TCF4: variants seen among roughly 807,000 people sequenced by gnomAD.
The protein encoded by TCF4 is transcription factor 4.
A neutral mutation model predicts 82.1 loss-of-function variants in TCF4; 3 were observed. That is an observed-to-expected ratio of 0.04 (90% CI 0.02 to 0.09). The LOEUF is 0.09. TCF4 is among the 10% of genes least tolerant of loss of function. TCF4 has a pLI of 1.00. For synonymous variants in TCF4, 276 were observed against 309.6 expected (o/e 0.89, Z 1.14); for missense variants, 518 against 852.7 (o/e 0.61, Z 4.89).
chr18:55,335,326 T>C (rs1436442236), intron 8 of TCF4, among the ~76,000 whole-genome samples: 6 of 152,360 alleles, frequency 3.9e-5, no homozygotes, highest in East Asian at 1.9e-4. Flanking sequence ...TAATGTAATA[T>C]TGCGTGTTGT....
At chr18:55,621,347 G>T (rs2097717838) in intron 2 of TCF4, among the ~76,000 whole-genome samples, 1 of 141,236 alleles carries the variant, frequency 7.1e-6, no homozygotes, top group Non-Finnish European at 1.5e-5. Flanking sequence ...TTCTTTTTAA[G>T]TAATAAAAAA....
chr18:55,423,221 A>C (rs1264924272), intron 5 of TCF4, among the ~76,000 whole-genome samples: 1 of 152,196 alleles, frequency 6.6e-6, no homozygotes, highest in Non-Finnish European at 1.5e-5. Context: ...CTTAATTATA[A>C]CACCATGATG....
At chr18:55,431,392 G>A (rs536201243) in intron 5 of TCF4, among the ~76,000 whole-genome samples, 6 of 152,190 alleles carry the variant, frequency 3.9e-5, no homozygotes, top group African/African-American at 9.6e-5. Flanking sequence ...CAATTCTCTC[G>A]CCTCAGCCTC....
At chr18:55,555,484 T>G (rs770194552) in intron 3 of TCF4, among the ~76,000 whole-genome samples, 2 of 152,198 alleles carry the variant, frequency 1.3e-5, no homozygotes, top group African/African-American at 2.4e-5. Context: ...CTTTTAGATC[T>G]AATAGAAAAA....
chr18:55,400,271 C>T (rs1302709430), intron 6 of TCF4, among the ~76,000 whole-genome samples: 1 of 152,080 alleles, frequency 6.6e-6, no homozygotes, highest in African/African-American at 2.4e-5. Context: ...TCGTTTCTGT[C>T]AGACTTTCCA....
chr18:55,634,609 C>T (rs1291099573), intron 1 of TCF4, among the ~76,000 whole-genome samples: 7 of 152,008 alleles, frequency 4.6e-5, no homozygotes, highest in South Asian at 2.1e-4. Flanking sequence ...TTGGATGCCA[C>T]GGGCTTTGTA....
At chr18:55,512,307 C>T (rs779529881) in intron 3 of TCF4, among the ~76,000 whole-genome samples, 18 of 152,092 alleles carry the variant, frequency 1.2e-4, no homozygotes, top group African/African-American at 3.1e-4. Flanking sequence ...TGGAATATTA[C>T]GCTGCCTTTA....
At position 55,588,172 on chromosome 18, in the gene TCF4, C is replaced by CCGCCGCCGT; in HGVS notation, c.-156_-155insACGGCGGCG. The CCGCCGCCGT allele has an allele frequency of 8.9e-7, 1 of 1,127,882 alleles. No individual in the cohort carries two copies. Among genetic ancestry groups the CCGCCGCCGT allele is most frequent in the Non-Finnish European group, 1.1e-6 (1 of 927,002 alleles). The allele number at this position is 1,127,882 out of a possible 1,614,324, so 69.9% of individuals were successfully genotyped here. A position where few individuals can be genotyped will look rare whatever the true frequency, so the allele number is the denominator to read the frequency against. On this transcript the variant is annotated 5_prime_UTR_variant, in exon 1 of 20. Coordinates refer to ENST00000354452, the MANE Select transcript of TCF4 (RefSeq NM_001083962.2). ...TGCTGCCTCCCCGCCGCCGCCGCCG[C>CCGCCGCCGT]CGCCGCCACTACAGATCCGCAGACA...
chr18:55,438,519 T>C (rs1312941560), intron 5 of TCF4, among the ~76,000 whole-genome samples: 1 of 152,200 alleles, frequency 6.6e-6, no homozygotes, highest in East Asian at 1.9e-4. Context: ...CAATGGACCC[T>C]TCTCCATTGG....
intron 2 of TCF4, among the ~76,000 whole-genome samples, chr18:55,601,994 CT>C (rs1332008426): frequency 6.6e-6 from 1 of 152,044 alleles, no homozygotes; most frequent in Non-Finnish European, 1.5e-5. Flanking sequence ...TCTTTCGTTT[CT>C]TTTTCTTTTT....
At chr18:55,511,044 A>T (rs930831913) in intron 3 of TCF4, among the ~76,000 whole-genome samples, 1 of 152,072 alleles carries the variant, frequency 6.6e-6, no homozygotes, top group Non-Finnish European at 1.5e-5. Flanking sequence ...GATGTTTGTA[A>T]ATTTCCTTCC....
At chr18:55,490,861 G>A (rs1017617498) in intron 3 of TCF4, among the ~76,000 whole-genome samples, 2 of 152,180 alleles carry the variant, frequency 1.3e-5, no homozygotes. Flanking sequence ...GTGCGGTATA[G>A]AAATGTTGAC....
intron 6 of TCF4, among the ~76,000 whole-genome samples, chr18:55,373,712 C>T (rs894364530): frequency 6.6e-6 from 1 of 151,948 alleles, no homozygotes; most frequent in African/African-American, 2.4e-5. Flanking sequence ...ACTTGGGAGG[C>T]TGAGGTGGGA....
chr18:55,474,372 G>T (rs1043189432), intron 3 of TCF4, among the ~76,000 whole-genome samples: 1 of 152,116 alleles, frequency 6.6e-6, no homozygotes, highest in Admixed American at 6.5e-5. Flanking sequence ...AAGTCATCCG[G>T]TCAACTGTAG....
intron 14 of TCF4, among the ~76,000 whole-genome samples, chr18:55,255,235 G>A (rs1313055313): frequency 1.3e-5 from 2 of 152,144 alleles, no homozygotes; most frequent in East Asian, 3.9e-4. Flanking sequence ...TTTTACCGGT[G>A]TTTCTGGCTT....
chr18:55,438,083 C>A (rs1279374229), intron 5 of TCF4, among the ~76,000 whole-genome samples: 1 of 151,940 alleles, frequency 6.6e-6, no homozygotes, highest in African/African-American at 2.4e-5. Flanking sequence ...TGCCTGTAAT[C>A]CCAGCTACTC....
intron 10 of TCF4, among the ~76,000 whole-genome samples, chr18:55,270,618 C>G (rs1308554662): frequency 6.6e-6 from 1 of 152,122 alleles, no homozygotes; most frequent in Non-Finnish European, 1.5e-5. Context: ...CCATGCCCCA[C>G]CTACAAGCAA....
chr18:55,235,543 C>G (rs1168768835), intron 15 of TCF4, among the ~76,000 whole-genome samples: 2 of 152,044 alleles, frequency 1.3e-5, no homozygotes, highest in African/African-American at 4.8e-5. Context: ...AAAAATACTG[C>G]TGAGCTTTTT....
chr18:55,564,968 A>G (rs1483423185), intron 3 of TCF4, among the ~76,000 whole-genome samples: 3 of 152,214 alleles, frequency 2.0e-5, no homozygotes, highest in Non-Finnish European at 4.4e-5. Context: ...GCACTGCACC[A>G]AACTGCCTCT....
Sources: gnomAD v4.1 joint callset for allele counts (sites outside exome capture counted in the v4.1 genomes callset) on GRCh38, gnomAD v4.1.1 for gene constraint, MANE v1.5 for transcripts, NCBI Gene and HGNC (gene_info 2026-07-23, HGNC 2026-07-21) for gene names.